Variants in EDIL3 observed in about 807,000 individuals in gnomAD.
The protein encoded by EDIL3 is EGF-like repeat and discoidin I-like domain-containing protein 3.
In EDIL3, 37 loss-of-function variants were observed where a neutral mutation model predicts 67.4. The observed-to-expected ratio is 0.55, with a 90% CI of 0.42 to 0.72. The LOEUF is 0.72. Ranked by LOEUF, EDIL3 falls within the 30% of genes least tolerant of loss-of-function variation. The probability of loss-of-function intolerance (pLI) is 0.00; values close to 1 mark genes in which losing one functional copy is unlikely to be tolerated. For synonymous variants in EDIL3, 195 were observed against 196.3 expected, an observed-to-expected ratio of 0.99 and a Z score of 0.05; for missense variants, 527 against 586.3, an observed-to-expected ratio of 0.90 and a Z score of 1.04.
intron 2 of EDIL3, among the ~76,000 whole-genome samples, chr5:84,231,513 G>A (rs538700090): frequency 2.6e-5 from 4 of 152,190 alleles, no homozygotes; most frequent in East Asian, 1.9e-4. Context: ...CAGCGGATTC[G>A]TTAATCAAGG....
intron 1 of EDIL3, among the ~76,000 whole-genome samples, chr5:84,271,042 T>C (rs1314917040): frequency 6.6e-6 from 1 of 152,244 alleles, no homozygotes; most frequent in African/African-American, 2.4e-5. Flanking sequence ...ACCCAATTTA[T>C]TCTTTAAATT....
At chr5:84,070,566 G>A (rs947462295) in intron 6 of EDIL3, among the ~76,000 whole-genome samples, 10 of 151,378 alleles carry the variant, frequency 6.6e-5, no homozygotes, top group African/African-American at 2.4e-4. Context: ...AACTTTCAAA[G>A]CTATATACTA....
At chr5:84,111,467 T>C (rs1747563525) in intron 5 of EDIL3, among the ~76,000 whole-genome samples, 1 of 152,194 alleles carries the variant, frequency 6.6e-6, no homozygotes, top group African/African-American at 2.4e-5. Flanking sequence ...CATCACTCCA[T>C]CCGTTCATTT....
At chr5:84,043,750 A>T (rs1229776843) in intron 9 of EDIL3, among the ~76,000 whole-genome samples, 1 of 152,338 alleles carries the variant, frequency 6.6e-6, no homozygotes, top group African/African-American at 2.4e-5. Flanking sequence ...ATGTGTATAC[A>T]TATGTACACA....
At chr5:84,334,970 A>G (rs1226133907) in intron 1 of EDIL3, among the ~76,000 whole-genome samples, 1 of 152,072 alleles carries the variant, frequency 6.6e-6, no homozygotes, top group African/African-American at 2.4e-5. Context: ...TAGAAGACAG[A>G]TATTATTTTT....
At chr5:83,958,136 C>G (rs1488506240) in intron 10 of EDIL3, among the ~76,000 whole-genome samples, 1 of 151,520 alleles carries the variant, frequency 6.6e-6, no homozygotes, top group Non-Finnish European at 1.5e-5. Context: ...TAATAAATTC[C>G]ATTCTCACTA....
chr5:84,067,754 C>A (rs1277545772), intron 6 of EDIL3, among the ~76,000 whole-genome samples: 2 of 152,126 alleles, frequency 1.3e-5, no homozygotes, highest in Non-Finnish European at 2.9e-5. Context: ...GTCTCATCTT[C>A]CCCGTTGAAA....
chr5:83,979,495 A>G (rs1039574387), intron 9 of EDIL3, among the ~76,000 whole-genome samples: 13 of 152,142 alleles, frequency 8.5e-5, no homozygotes, highest in Admixed American at 5.2e-4. Flanking sequence ...ATAATTATGA[A>G]AAGTTATAAA....
intron 1 of EDIL3, among the ~76,000 whole-genome samples, chr5:84,318,936 C>A (rs989822856): frequency 2.6e-5 from 4 of 152,028 alleles, no homozygotes; most frequent in Non-Finnish European, 4.4e-5. Context: ...CCAGAATCTA[C>A]AAAGAGCTTA....
intron 6 of EDIL3, among the ~76,000 whole-genome samples, chr5:84,070,258 G>T (rs915999275): frequency 6.6e-6 from 1 of 152,208 alleles, no homozygotes; most frequent in African/African-American, 2.4e-5. Flanking sequence ...CTGTCCTTGT[G>T]ACAAGGTAGA....
chr5:84,049,917 C>T (rs573241588), intron 9 of EDIL3, among the ~76,000 whole-genome samples: 193 of 152,028 alleles, frequency 1.3e-3, no homozygotes, highest in African/African-American at 4.4e-3. Context: ...AAAAATCACA[C>T]GGCCGGGCGC....
At chr5:84,200,554 G>T (rs1359528928) in intron 3 of EDIL3, among the ~76,000 whole-genome samples, 1 of 151,788 alleles carries the variant, frequency 6.6e-6, no homozygotes, top group Non-Finnish European at 1.5e-5. Context: ...ATATTTGATG[G>T]GGTTTCAAAT....
chr5:84,196,525 T>C (rs1222139061), intron 3 of EDIL3, among the ~76,000 whole-genome samples: 2 of 152,060 alleles, frequency 1.3e-5, no homozygotes, highest in Non-Finnish European at 2.9e-5. Flanking sequence ...GTGGTGTTGT[T>C]TGTGTTTCTC....
chr5:84,374,143 G>C (rs305640), intron 1 of EDIL3, among the ~76,000 whole-genome samples: 1,631 of 151,436 alleles, frequency 0.011, 36 homozygotes, highest in African/African-American at 0.038. Context: ...GAAGCAATTT[G>C]AAATAGTTTT....
intron 5 of EDIL3, among the ~76,000 whole-genome samples, chr5:84,115,345 TTATGA>T (rs1425621452): frequency 6.6e-6 from 1 of 152,180 alleles, no homozygotes; most frequent in Admixed American, 6.5e-5. Flanking sequence ...CTCAAGCCAA[TTATGA>T]TATATTATCA....
At chr5:84,092,792 A>AG (rs200269404) in intron 6 of EDIL3, among the ~76,000 whole-genome samples, 2 of 67,002 alleles carry the variant, frequency 3.0e-5, no homozygotes, top group African/African-American at 1.2e-4. Context: ...TTAACATTTG[A>AG]GGAAAAAAAA....
chr5:83,987,683 A>G (rs910654045), intron 9 of EDIL3, among the ~76,000 whole-genome samples: 1 of 152,102 alleles, frequency 6.6e-6, no homozygotes, highest in Admixed American at 6.6e-5. Flanking sequence ...TTGCCTCATT[A>G]TCCATATATA....
intron 2 of EDIL3, among the ~76,000 whole-genome samples, chr5:84,249,427 CT>C (rs1350822838): frequency 2.1e-5 from 3 of 145,474 alleles, no homozygotes; most frequent in African/African-American, 7.7e-5. Flanking sequence ...ATCTATCTAT[CT>C]ATCATCTATT....
intron 9 of EDIL3, among the ~76,000 whole-genome samples, chr5:84,045,354 A>G (rs144036176): frequency 6.6e-6 from 1 of 152,294 alleles, no homozygotes; most frequent in East Asian, 1.9e-4. Context: ...GGAGGAGAGC[A>G]GTAAGACACA....
Sources: gnomAD v4.1 joint callset for allele counts (sites outside exome capture counted in the v4.1 genomes callset) on GRCh38, gnomAD v4.1.1 for gene constraint, MANE v1.5 for transcripts, NCBI Gene and HGNC (gene_info 2026-07-23, HGNC 2026-07-21) for gene names.